The following SASH1 variants were observed in gnomAD, a reference collection of about 807,000 sequenced individuals.
The protein encoded by SASH1 is SAM and SH3 domain containing 1, also known as SAM and SH3 domain-containing protein 1.
A neutral mutation model predicts 125.2 loss-of-function variants in SASH1; 44 were observed. That is an observed-to-expected ratio of 0.35 (90% CI 0.28 to 0.45). The LOEUF (loss-of-function observed/expected upper bound fraction) is 0.45. SASH1 is among the 20% of genes least tolerant of loss of function. The pLI, the probability that SASH1 is intolerant of heterozygous loss-of-function variation, is 1.00. For synonymous variants in SASH1, 639 were observed against 649.1 expected (o/e 0.98, Z 0.24); for missense variants, 1,426 against 1,614.5 (o/e 0.88, Z 2.00).
At chr6:148,500,219 ATT>A (rs35731806) in intron 8 of SASH1, among the ~76,000 whole-genome samples, 48 of 145,922 alleles carry the variant, frequency 3.3e-4, no homozygotes, top group African/African-American at 5.0e-4. Flanking sequence ...CTGACAATAG[ATT>A]TTTTTTTTTT....
intron 12 of SASH1, among the ~76,000 whole-genome samples, chr6:148,527,842 CAA>C (rs1781275332): frequency 1.3e-5 from 2 of 152,192 alleles, no homozygotes; most frequent in South Asian, 2.1e-4. Flanking sequence ...TGTGTACAGA[CAA>C]GAGAGACAGA....
chr6:148,337,596 A>C (rs1355189405), intron 1 of SASH1, among the ~76,000 whole-genome samples: 1 of 152,052 alleles, frequency 6.6e-6, no homozygotes, highest in East Asian at 1.9e-4. Flanking sequence ...TCCTGAGCTC[A>C]GGTGATCCGC....
chr6:148,312,660 A>G (rs1223377871), intron 1 of SASH1, among the ~76,000 whole-genome samples: 1 of 152,250 alleles, frequency 6.6e-6, no homozygotes, highest in Non-Finnish European at 1.5e-5. Flanking sequence ...AATTAGTAGA[A>G]GCACTGAATA....
intron 1 of SASH1, among the ~76,000 whole-genome samples, chr6:148,303,758 G>T (rs115540956): frequency 0.018 from 2,721 of 151,248 alleles, 76 homozygotes; most frequent in African/African-American, 0.063. Context: ...TTGTGCCACA[G>T]CACTCCAGCG....
the SASH1 span, among the ~76,000 whole-genome samples, chr6:148,266,363 G>A: frequency 6.6e-6 from 1 of 152,156 alleles, no homozygotes; most frequent in Non-Finnish European, 1.5e-5. Flanking sequence ...AAAATAAGAA[G>A]AATGTTTGCA....
chr6:148,338,985 A>AC (rs1781243738), upstream of SASH1, among the ~76,000 whole-genome samples: 1 of 137,364 alleles, frequency 7.3e-6, no homozygotes. Context: ...AGCCTGGGCA[A>AC]TGAGCGAGAC....
intron 4 of SASH1, among the ~76,000 whole-genome samples, chr6:148,451,341 C>T (rs1777092051): frequency 6.6e-6 from 1 of 152,208 alleles, no homozygotes; most frequent in African/African-American, 2.4e-5. Flanking sequence ...ATAAAAAGTG[C>T]TTTCGGCTTG....
At chr6:148,543,452 A>G (rs1392918733) in intron 17 of SASH1, among the ~76,000 whole-genome samples, 2 of 152,218 alleles carry the variant, frequency 1.3e-5, no homozygotes, top group African/African-American at 4.8e-5. Flanking sequence ...AATTAATTTC[A>G]GTCTTCATGA....
intron 1 of SASH1, among the ~76,000 whole-genome samples, chr6:148,314,698 G>A (rs554730476): frequency 2.0e-5 from 3 of 152,060 alleles, no homozygotes; most frequent in Admixed American, 6.5e-5. Context: ...GGACAAGAAC[G>A]AGAAGGTGGG....
chr6:148,431,976 ATTTTTTT>A (rs5880778), intron 2 of SASH1, among the ~76,000 whole-genome samples: 1 of 139,968 alleles, frequency 7.1e-6, no homozygotes, highest in African/African-American at 2.6e-5. Context: ...AAGTAATATA[ATTTTTTT>A]TTTTTTTTTT....
intron 4 of SASH1, among the ~76,000 whole-genome samples, chr6:148,443,974 G>A (rs1197239775): frequency 6.6e-6 from 1 of 152,158 alleles, no homozygotes. Flanking sequence ...ATCATTCTGC[G>A]TCAGAGTGGT....
intron 5 of SASH1, 123 bp from the exon 6 acceptor site, chr6:148,471,294 T>C (rs915481303): frequency 1.5e-6 from 1 of 649,124 alleles, no homozygotes; most frequent in Non-Finnish European, 2.6e-6. Context: ...AACTGTCCTT[T>C]TGTGAAATCA....
rs114625078 is a variant in SASH1, at chr6:148,325,855, C to T, written n.74+53478C>T. ...GTGAGCCAATCCACAGTATTTGCCC[C>T]GATGCCATGGTAACCTCTTGCCTGG... On this transcript the variant is annotated intron_variant and non_coding_transcript_variant, in intron 1 of 3. Transcript: ENST00000367469. Among the ~76,000 whole-genome samples, 473 of 152,104 alleles carry T rather than the reference C, an allele frequency of 3.1e-3. 3 individuals carry two copies. The highest frequency in any genetic ancestry group is 0.011 in the African/African-American group (457 of 41,484).
At chr6:148,516,645 T>A (rs998177279) in intron 9 of SASH1, among the ~76,000 whole-genome samples, 3 of 152,094 alleles carry the variant, frequency 2.0e-5, no homozygotes, top group Non-Finnish European at 4.4e-5. Flanking sequence ...ACACTTTAGA[T>A]TTTATATTCT....
chr6:148,306,171 G>T (rs1291355003), intron 1 of SASH1, among the ~76,000 whole-genome samples: 1 of 152,166 alleles, frequency 6.6e-6, no homozygotes, highest in African/African-American at 2.4e-5. Flanking sequence ...TGGCAGGTGG[G>T]GGGCACAGGT....
At chr6:148,388,064 C>T (rs891439719) in intron 1 of SASH1, among the ~76,000 whole-genome samples, 2 of 151,932 alleles carry the variant, frequency 1.3e-5, no homozygotes, top group Admixed American at 6.6e-5. Context: ...TACAGGCATG[C>T]ACCACCATGC....
chr6:148,514,477 A>G, intron 9 of SASH1, 21 bp downstream of exon 9: 2 of 1,413,740 alleles, frequency 1.4e-6, no homozygotes, highest in Non-Finnish European at 1.9e-6. Flanking sequence ...AAAAAAAAAA[A>G]AAAAAAAAAG....
intron 2 of SASH1, among the ~76,000 whole-genome samples, chr6:148,425,484 A>G (rs1045452699): frequency 6.6e-6 from 1 of 152,206 alleles, no homozygotes; most frequent in African/African-American, 2.4e-5. Context: ...CAACAAGAAC[A>G]TCAAGAGATC....
At chr6:148,464,940 G>A (rs752635172) in intron 4 of SASH1, among the ~76,000 whole-genome samples, 3 of 152,126 alleles carry the variant, frequency 2.0e-5, no homozygotes, top group Non-Finnish European at 4.4e-5. Context: ...CCATCTGCTG[G>A]CATCCTGGGG....
Sources: allele counts gnomAD v4.1 joint callset (sites outside exome capture counted in the v4.1 genomes callset), GRCh38; gene constraint gnomAD v4.1.1; transcripts MANE v1.5; gene names NCBI Gene and HGNC (gene_info 2026-07-23, HGNC 2026-07-21).